Variants in SOX5 observed in about 807,000 individuals in gnomAD.
SOX5 encodes SRY-box transcription factor 5.
In SOX5, 9 loss-of-function variants were observed where a neutral mutation model predicts 92.0. That is an observed-to-expected ratio of 0.10 (90% CI 0.06 to 0.17). The LOEUF (loss-of-function observed/expected upper bound fraction) is 0.17, where lower values mean the gene tolerates loss of function less well. SOX5 is among the 10% of genes least tolerant of loss of function. SOX5 has a pLI of 1.00. For missense variants in SOX5, 642 were observed against 944.5 expected (o/e 0.68, Z 4.20); for synonymous variants, 344 against 336.3 (o/e 1.02, Z -0.25).
intron 1 of SOX5, among the ~76,000 whole-genome samples, chr12:24,444,359 C>T (rs1357776536): frequency 6.6e-6 from 1 of 151,614 alleles, no homozygotes; most frequent in East Asian, 1.9e-4. Flanking sequence ...ACTGAAGAAG[C>T]AGATAATCAG....
intron 14 of SOX5, among the ~76,000 whole-genome samples, chr12:23,536,056 A>G (rs554341276): frequency 6.6e-6 from 1 of 152,290 alleles, no homozygotes; most frequent in African/African-American, 2.4e-5. Context: ...AGAAATAAGT[A>G]TTTTTGCTTT....
intron 1 of SOX5, among the ~76,000 whole-genome samples, chr12:24,488,522 G>T (rs1946744520): frequency 6.6e-6 from 1 of 152,090 alleles, no homozygotes; most frequent in Non-Finnish European, 1.5e-5. Context: ...GGAGTTCAAG[G>T]CTACAGTGAA....
chr12:23,587,023 A>G (rs1428147101), intron 9 of SOX5, among the ~76,000 whole-genome samples: 1 of 151,694 alleles, frequency 6.6e-6, no homozygotes, highest in Non-Finnish European at 1.5e-5. Context: ...GCTAGTTTTT[A>G]AGGAAGAAAT....
In SOX5 at chr12:23,577,191, A is replaced by T. The variant is rs1266858319; in HGVS notation, c.1165-1353T>A. On this transcript the variant is annotated intron_variant, in intron 9 of 14. Transcript: ENST00000451604. ...CACACACACACATATATATATATAT[A>T]TTTTTTTTTTTTTTTTTTTTTGAGA... Among the ~76,000 whole-genome samples the T allele has an allele frequency of 7.3e-3, 448 of 61,346 alleles. 8 individuals carry two copies. The highest frequency in any genetic ancestry group is 0.018 in the African/African-American group (310 of 17,566). 40.2% of individuals were successfully genotyped at this position (61,346 alleles called of 152,430 possible).
At chr12:24,431,906 G>A (rs1938411434) in intron 1 of SOX5, among the ~76,000 whole-genome samples, 1 of 152,130 alleles carries the variant, frequency 6.6e-6, no homozygotes. Context: ...TTTGATGACA[G>A]TACACAAGCT....
intron 2 of SOX5, among the ~76,000 whole-genome samples, chr12:24,355,363 A>C (rs1046453079): frequency 2.4e-5 from 3 of 123,678 alleles, no homozygotes; most frequent in African/African-American, 9.7e-5. Flanking sequence ...GCTGGAGTGC[A>C]GTGGTGCAAT....
chr12:23,975,836 A>T (rs1488358795), intron 4 of SOX5, among the ~76,000 whole-genome samples: 1 of 152,146 alleles, frequency 6.6e-6, no homozygotes, highest in Non-Finnish European at 1.5e-5. Context: ...ATAGTTTTAT[A>T]CTCTGTGACT....
intron 6 of SOX5, among the ~76,000 whole-genome samples, chr12:23,699,860 A>T (rs2090381401): frequency 6.6e-6 from 1 of 152,070 alleles, no homozygotes; most frequent in African/African-American, 2.4e-5. Context: ...AGTGTAGCCT[A>T]GTGGTTAAGA....
chr12:23,570,924 AAAAAAAATAT>A (rs1948138374), intron 10 of SOX5, among the ~76,000 whole-genome samples: 1 of 42,570 alleles, frequency 2.3e-5, no homozygotes, highest in African/African-American at 9.8e-5. Context: ...AAAAAAAAAA[AAAAAAAATAT>A]ATATATATAT....
chr12:24,164,128 T>C (rs1484197358), intron 4 of SOX5, among the ~76,000 whole-genome samples: 4 of 152,074 alleles, frequency 2.6e-5, no homozygotes, highest in African/African-American at 7.2e-5. Context: ...CATAAGTTTG[T>C]ACCTTTCACT....
At chr12:24,352,865 A>T (rs1257147429) in intron 2 of SOX5, among the ~76,000 whole-genome samples, 2 of 152,184 alleles carry the variant, frequency 1.3e-5, no homozygotes, top group Non-Finnish European at 2.9e-5. Flanking sequence ...GACCTCTGAA[A>T]GACAGACTAT....
chr12:24,047,657 G>T (rs548942486), intron 4 of SOX5, among the ~76,000 whole-genome samples: 1 of 152,200 alleles, frequency 6.6e-6, no homozygotes, highest in South Asian at 2.1e-4. Flanking sequence ...ATCATAAATG[G>T]TTTATTTCTT....
At chr12:23,896,368 T>A (rs1388404375) in intron 1 of SOX5, among the ~76,000 whole-genome samples, 1 of 152,206 alleles carries the variant, frequency 6.6e-6, no homozygotes, top group Admixed American at 6.5e-5. Flanking sequence ...TGATAGACCT[T>A]ATTGAAGACA....
At chr12:23,981,453 A>G (rs1244725228) in intron 4 of SOX5, among the ~76,000 whole-genome samples, 1 of 152,224 alleles carries the variant, frequency 6.6e-6, no homozygotes, top group Non-Finnish European at 1.5e-5. Context: ...TTGACATTTA[A>G]ACTTTGTTAA....
intron 1 of SOX5, among the ~76,000 whole-genome samples, chr12:24,555,334 T>G (rs1345441133): frequency 1.3e-5 from 2 of 152,210 alleles, no homozygotes; most frequent in Non-Finnish European, 2.9e-5. Context: ...TCAGTTGGTA[T>G]AGCTGGTGTA....
chr12:24,562,292 T>C (rs1306956547), intron 1 of SOX5: 1 of 152,088 alleles, frequency 6.6e-6, no homozygotes, highest in African/African-American at 2.4e-5. Context: ...CACAACAACA[T>C]CGGGACGAAC....
chr12:23,838,854 G>GGGC (rs2096473656), intron 3 of SOX5, among the ~76,000 whole-genome samples: 1 of 93,544 alleles, frequency 1.1e-5, no homozygotes, highest in Admixed American at 1.2e-4. Flanking sequence ...GGGGGGGGGG[G>GGGC]GCGGGGATGG....
rs918902431 is a variant in SOX5, at chr12:23,531,105, C to G, written c.*3114G>C. On this transcript the variant is annotated 3_prime_UTR_variant, in exon 15 of 15. Coordinates refer to ENST00000451604, the MANE Select transcript of SOX5 (RefSeq NM_006940.6). ...CCTTTTATCAAGTGACTTCAAAGCA[C>G]TTTCAACATTAATATAACTATTTTT... The G allele has an allele frequency of 2.0e-5, 3 of 152,084 alleles. No individual in the cohort carries two copies. The highest frequency in any genetic ancestry group is 7.2e-5 in the African/African-American group (3 of 41,414). 9.4% of individuals were successfully genotyped at this position (152,084 alleles called of 1,614,324 possible).
At chr12:24,342,698 T>C (rs1207252442) in intron 2 of SOX5, among the ~76,000 whole-genome samples, 1 of 152,232 alleles carries the variant, frequency 6.6e-6, no homozygotes, top group African/African-American at 2.4e-5. Context: ...AACAGCTTCC[T>C]AACTGACCTC....
Sources: allele counts gnomAD v4.1 joint callset (sites outside exome capture counted in the v4.1 genomes callset), GRCh38; gene constraint gnomAD v4.1.1; transcripts MANE v1.5; gene names NCBI Gene and HGNC (gene_info 2026-07-23, HGNC 2026-07-21).